STPG2: variants seen among roughly 807,000 people sequenced by gnomAD.
The protein encoded by STPG2 is sperm-tail PG-rich repeat-containing protein 2.
A neutral mutation model predicts 54.2 loss-of-function variants in STPG2; 56 were observed. The observed-to-expected ratio is 1.03, with a 90% CI of 0.83 to 1.29. The LOEUF (loss-of-function observed/expected upper bound fraction) is 1.29, where lower values mean the gene tolerates loss of function less well. Among genes scored for constraint, STPG2 ranks in the 50% most tolerant of loss-of-function variants. The pLI, the probability that STPG2 is intolerant of heterozygous loss-of-function variation, is 0.00. For synonymous variants in STPG2, 200 were observed against 181.8 expected (o/e 1.10, Z -0.81); for missense variants, 596 against 544.9 (o/e 1.09, Z -0.93).
chr4:97,895,714 G>C (rs1035739205), intron 8 of STPG2, among the ~76,000 whole-genome samples: 1 of 151,698 alleles, frequency 6.6e-6, no homozygotes, highest in Non-Finnish European at 1.5e-5. Context: ...TCTTCTGGTT[G>C]CATAAAACAG....
chr4:97,846,117 T>A (rs913586690), intron 8 of STPG2, among the ~76,000 whole-genome samples: 1 of 151,626 alleles, frequency 6.6e-6, no homozygotes, highest in African/African-American at 2.4e-5. Flanking sequence ...AGGATAGAGG[T>A]CTGGACTGGA....
At chr4:98,112,781 T>C (rs1203593171) in intron 3 of STPG2, among the ~76,000 whole-genome samples, 2 of 152,152 alleles carry the variant, frequency 1.3e-5, no homozygotes, top group Admixed American at 1.3e-4. Context: ...AATTCAGACA[T>C]GTTTTGGAAT....
At chr4:97,461,089 T>C (rs1289848822) in intron 4 of STPG2, among the ~76,000 whole-genome samples, 2 of 152,228 alleles carry the variant, frequency 1.3e-5, no homozygotes, top group African/African-American at 4.8e-5. Flanking sequence ...GCACATGCCT[T>C]TTGGTGCACA....
intron 5 of STPG2, among the ~76,000 whole-genome samples, chr4:98,089,705 C>T (rs1292837636): frequency 7.5e-6 from 1 of 132,756 alleles, no homozygotes; most frequent in Non-Finnish European, 1.7e-5. Flanking sequence ...TAGATCCATG[C>T]CAACATCTTT....
chr4:97,874,689 T>C (rs549574132), intron 8 of STPG2, among the ~76,000 whole-genome samples: 1 of 151,938 alleles, frequency 6.6e-6, no homozygotes, highest in South Asian at 2.1e-4. Context: ...TTGATGTTCT[T>C]GTATATATGT....
intron 9 of STPG2, among the ~76,000 whole-genome samples, chr4:97,743,755 C>G (rs1335134782): frequency 6.6e-6 from 1 of 151,456 alleles, no homozygotes; most frequent in Non-Finnish European, 1.5e-5. Flanking sequence ...AAGATTAGTA[C>G]CATTAATTCC....
chr4:97,911,986 G>A (rs755044799), intron 8 of STPG2, among the ~76,000 whole-genome samples: 6 of 152,164 alleles, frequency 3.9e-5, no homozygotes, highest in Admixed American at 2.6e-4. Context: ...GGAAGGAGCA[G>A]GCTGCCATCT....
At chr4:97,520,915 A>G (rs757352239) in intron 4 of STPG2, among the ~76,000 whole-genome samples, 21 of 152,034 alleles carry the variant, frequency 1.4e-4, no homozygotes, top group Non-Finnish European at 2.9e-5. Flanking sequence ...GAAAATATAA[A>G]AGAAAAATAT....
intron 10 of STPG2, among the ~76,000 whole-genome samples, chr4:97,701,240 T>A (rs1723764849): frequency 1.3e-5 from 2 of 152,260 alleles, no homozygotes; most frequent in African/African-American, 4.8e-5. Flanking sequence ...TCTATGCCAG[T>A]TATGCATCCT....
At chr4:97,698,619 G>A (rs970777714) in intron 10 of STPG2, among the ~76,000 whole-genome samples, 3 of 152,070 alleles carry the variant, frequency 2.0e-5, no homozygotes, top group Non-Finnish European at 2.9e-5. Flanking sequence ...GATGAGTGAC[G>A]CCACTTCCAC....
chr4:97,679,916 T>G (rs1255775395), intron 10 of STPG2, among the ~76,000 whole-genome samples: 2 of 151,640 alleles, frequency 1.3e-5, no homozygotes, highest in Admixed American at 6.6e-5. Flanking sequence ...TTCTCAGGTT[T>G]GTCAAAGATC....
intron 4 of STPG2, among the ~76,000 whole-genome samples, chr4:97,487,355 T>A (rs1172428019): frequency 6.6e-6 from 1 of 151,462 alleles, no homozygotes; most frequent in Admixed American, 6.6e-5. Context: ...ATGAAAATGA[T>A]CTATTACACA....
chr4:97,693,059 G>A (rs554648241), intron 10 of STPG2, among the ~76,000 whole-genome samples: 4 of 150,118 alleles, frequency 2.7e-5, no homozygotes, highest in African/African-American at 9.8e-5. Flanking sequence ...TCTAAACCTT[G>A]AAACAACTTA....
chr4:97,671,697 C>A (rs1578468703), intron 10 of STPG2, among the ~76,000 whole-genome samples: 1 of 152,102 alleles, frequency 6.6e-6, no homozygotes, highest in Admixed American at 6.5e-5. Flanking sequence ...GAGGCTGAAT[C>A]CTTGCTTTGT....
chr4:98,137,341 AGTGTTT>A (rs1407922574), intron 1 of STPG2, among the ~76,000 whole-genome samples: 6 of 151,812 alleles, frequency 4.0e-5, no homozygotes, highest in African/African-American at 1.4e-4. Context: ...TAATCAGGAT[AGTGTTT>A]AACTGTAGGG....
At chr4:97,475,912 GTTTCTTT>G (rs1171359405) in intron 4 of STPG2, among the ~76,000 whole-genome samples, 1 of 151,864 alleles carries the variant, frequency 6.6e-6, no homozygotes. Flanking sequence ...TGTGATTTTG[GTTTCTTT>G]TTTCTTTACG....
intron 10 of STPG2, among the ~76,000 whole-genome samples, chr4:97,650,516 A>T (rs1722035126): frequency 6.6e-6 from 1 of 152,134 alleles, no homozygotes; most frequent in Admixed American, 6.5e-5. Context: ...GGGTATAGGT[A>T]AATTTAAACA....
intron 4 of STPG2, among the ~76,000 whole-genome samples, chr4:97,494,726 A>AT (rs34356638): frequency 4.0e-5 from 6 of 150,466 alleles, no homozygotes; most frequent in African/African-American, 7.3e-5. Context: ...AGGAGTAAGG[A>AT]TTTTTTTTTT....
chr4:97,650,636 A>G (rs1263932236), intron 10 of STPG2, among the ~76,000 whole-genome samples: 1 of 152,104 alleles, frequency 6.6e-6, no homozygotes, highest in African/African-American at 2.4e-5. Context: ...TGAAGTCTCA[A>G]AGTGGCTGCC....
Sources: gnomAD v4.1 joint callset for allele counts (sites outside exome capture counted in the v4.1 genomes callset) on GRCh38, gnomAD v4.1.1 for gene constraint, MANE v1.5 for transcripts, NCBI Gene and HGNC (gene_info 2026-07-23, HGNC 2026-07-21) for gene names.